The following TGFB2 variants were observed in gnomAD, a reference collection of about 807,000 sequenced individuals.
TGFB2 encodes the protein transforming growth factor beta-2 proprotein.
In TGFB2, 13 loss-of-function variants were observed where a neutral mutation model predicts 42.7. That is an observed-to-expected ratio of 0.30 (90% confidence interval 0.20 to 0.48). TGFB2 has a LOEUF of 0.48. TGFB2 is among the 20% of genes least tolerant of loss of function. The probability of loss-of-function intolerance (pLI) is 0.99; values close to 1 mark genes in which losing one functional copy is unlikely to be tolerated. For synonymous variants in TGFB2, 193 were observed against 193.6 expected (o/e 1.00, Z 0.03); for missense variants, 390 against 517.5 (o/e 0.75, Z 2.39).
chr1:218,439,282 C>T (rs1212593806), intron 6 of TGFB2, among the ~76,000 whole-genome samples: 2 of 152,012 alleles, frequency 1.3e-5, no homozygotes, highest in South Asian at 2.1e-4. Context: ...TATGGTTACA[C>T]GTTAGGGTTT....
At chr1:218,427,782 C>T (rs1174220227) in intron 2 of TGFB2, among the ~76,000 whole-genome samples, 5 of 152,022 alleles carry the variant, frequency 3.3e-5, no homozygotes, top group East Asian at 1.9e-4. Flanking sequence ...TGAATAGTGC[C>T]GCAATAAACA....
chr1:218,348,080 A>AAAAGAAAG (rs10671658), intron 1 of TGFB2, among the ~76,000 whole-genome samples: 1 of 151,938 alleles, frequency 6.6e-6, no homozygotes, highest in African/African-American at 2.4e-5. Flanking sequence ...AAAAAGAAAA[A>AAAAGAAAG]AAAGAAAGAA....
Position 218,385,113 on chromosome 1 carries a change from CCT to C in TGFB2, c.347-20051_347-20050del, listed in dbSNP as rs145664710. On this transcript the variant is annotated intron_variant, in intron 1 of 6. Transcript: ENST00000366930. The stretch of plus-strand genomic sequence containing the variant: ...TCTGGGTTTGATTCTATTTTTTCCC[CCT>C]CTCTTACTGGTACTTTCTGGTTGGT... Among the ~76,000 whole-genome samples the C allele has an allele frequency of 7.9e-3, 1,196 of 152,190 alleles. 11 individuals are homozygous for C. The highest frequency in any genetic ancestry group is 0.027 in the African/African-American group (1,109 of 41,524).
chr1:218,369,256 GAAAAAAAAAAAAAAAAAAAAAAAA>G lies in TGFB2; in HGVS notation c.346+22223_346+22246del, dbSNP rs34825461. ...GGCAACAAAGCAAGATTCCGTCTCA[GAAAAAAAAAAAAAAAAAAAAAAAA>G]AAAAAAAAAAAAATGGTATGTTGAA... On this transcript the variant is annotated intron_variant, in intron 1 of 6. Transcript: ENST00000366930. Among the ~76,000 whole-genome samples, 7 of 35,656 alleles carry G rather than the reference GAAAAAAAAAAAAAAAAAAAAAAAA, an allele frequency of 2.0e-4. No individual in the cohort carries two copies. In the South Asian group the frequency reaches 9.2e-3, roughly 47 times the overall value. 23.4% of individuals were successfully genotyped at this position (35,656 alleles called of 152,430 possible).
In TGFB2 at chr1:218,396,457, G is replaced by A. The variant is rs546862991; in HGVS notation, c.347-8712G>A. Among the ~76,000 whole-genome samples, 13 of 152,062 alleles carry A rather than the reference G, an allele frequency of 8.5e-5. No homozygotes were observed. In the East Asian group the frequency reaches 1.4e-3, roughly 16 times the overall value. On this transcript the variant is annotated intron_variant, in intron 1 of 6. Transcript: ENST00000366930. ...CACTGCATCTTTTGGGACAGACTGCGCCTTGTGAGTACACAGGTTCTTCCA... is the reference window on the plus strand; with the variant it reads ...CACTGCATCTTTTGGGACAGACTGCACCTTGTGAGTACACAGGTTCTTCCA...
chr1:218,363,799 C>T (rs1657295634), intron 1 of TGFB2, among the ~76,000 whole-genome samples: 1 of 152,096 alleles, frequency 6.6e-6, no homozygotes, highest in Admixed American at 6.5e-5. Context: ...TTATTTGTAT[C>T]TATGTTCTTG....
chr1:218,368,118 A>G (rs928377032), intron 1 of TGFB2, among the ~76,000 whole-genome samples: 3 of 145,184 alleles, frequency 2.1e-5, no homozygotes, highest in African/African-American at 7.7e-5. Flanking sequence ...GGACATTCTT[A>G]TGATATATTA....
chr1:218,378,688 C>T (rs1232827417), intron 1 of TGFB2, among the ~76,000 whole-genome samples: 2 of 151,850 alleles, frequency 1.3e-5, no homozygotes, highest in Non-Finnish European at 2.9e-5. Context: ...CTCACTGCAG[C>T]CTGGAACTCC....
intron 1 of TGFB2, among the ~76,000 whole-genome samples, chr1:218,372,181 G>T (rs1046348573): frequency 6.6e-6 from 1 of 152,204 alleles, no homozygotes; most frequent in Non-Finnish European, 1.5e-5. Flanking sequence ...TGAAAGCATT[G>T]TTTTGCACAT....
At chr1:218,362,901 G>A (rs1239719271) in intron 1 of TGFB2, among the ~76,000 whole-genome samples, 1 of 152,124 alleles carries the variant, frequency 6.6e-6, no homozygotes, top group Non-Finnish European at 1.5e-5. Flanking sequence ...GATGACAGGT[G>A]GTTTTAAGAA....
At position 218,357,634 on chromosome 1, in the gene TGFB2, T is replaced by C. The variant is rs1657082013; in HGVS notation, c.346+10587T>C. ...TAGATGTTCCCTCAACCACAATGAC[T>C]TGAGGAACTTAAGGCAAATGGAAAA... is the stretch of plus-strand genomic sequence containing the variant. On this transcript the variant is annotated intron_variant, in intron 1 of 6. Coordinates refer to ENST00000366930, the MANE Select transcript of TGFB2 (RefSeq NM_003238.6). 4.6e-5 allele frequency among the ~76,000 whole-genome samples: 7 copies of C among 152,312 alleles called. 1 individual carries two copies. In the South Asian group the frequency reaches 1.4e-3, roughly 32 times the overall value.
In TGFB2 at chr1:218,412,232, C is replaced by A. The variant is rs533768998; in HGVS notation, c.510+6900C>A. 9.8e-4 allele frequency among the ~76,000 whole-genome samples: 149 copies of A among 152,286 alleles called. 1 individual carries two copies. The highest frequency in any genetic ancestry group is 3.4e-3 in the African/African-American group (143 of 41,552). On this transcript the variant is annotated intron_variant, in intron 2 of 6. Coordinates refer to ENST00000366930, the MANE Select transcript of TGFB2 (RefSeq NM_003238.6). ...ACATATACCCAAGATACTCTTAGAG[C>A]AAAAGCTGGAGAATTCAGAGAAATG...
intron 6 of TGFB2, among the ~76,000 whole-genome samples, chr1:218,440,788 T>A (rs1660126432): frequency 6.6e-6 from 1 of 152,224 alleles, no homozygotes; most frequent in South Asian, 2.1e-4. Context: ...GATTGAAATG[T>A]ATACTCAAGA....
chr1:218,393,053 T>C (rs1300879269), intron 1 of TGFB2, among the ~76,000 whole-genome samples: 1 of 152,230 alleles, frequency 6.6e-6, no homozygotes, highest in African/African-American at 2.4e-5. Flanking sequence ...GCATTGGCCA[T>C]TACATGCATC....
intron 1 of TGFB2, among the ~76,000 whole-genome samples, chr1:218,374,699 T>C (rs1657684804): frequency 6.6e-6 from 1 of 152,206 alleles, no homozygotes; most frequent in South Asian, 2.1e-4. Flanking sequence ...CCAGGGCACA[T>C]AAGGAACAGG....
At chr1:218,405,383 G>C (rs749223590) in intron 2 of TGFB2, 51 bp downstream of exon 2, 2 of 1,583,360 alleles carry the variant, frequency 1.3e-6, no homozygotes, top group Non-Finnish European at 1.7e-6. Flanking sequence ...GTTTTAGACA[G>C]ACTCTCTCTC....
intron 1 of TGFB2, among the ~76,000 whole-genome samples, chr1:218,348,129 G>C (rs1656754397): frequency 6.6e-6 from 1 of 151,904 alleles, no homozygotes. Flanking sequence ...TGATACCTGA[G>C]AGGGTTAAAT....
At chr1:218,423,659 C>T (rs1367323160) in intron 2 of TGFB2, among the ~76,000 whole-genome samples, 13 of 152,128 alleles carry the variant, frequency 8.5e-5, no homozygotes, top group East Asian at 5.8e-4. Flanking sequence ...ATGAAAGGCG[C>T]GTGTGAGATG....
intron 2 of TGFB2, among the ~76,000 whole-genome samples, chr1:218,418,183 A>C (rs558645178): frequency 6.6e-6 from 1 of 152,354 alleles, no homozygotes; most frequent in Non-Finnish European, 1.5e-5. Flanking sequence ...CCATAAAAGC[A>C]GCCAAGAGGG....
Sources: gnomAD v4.1 joint callset for allele counts (sites outside exome capture counted in the v4.1 genomes callset) on GRCh38, gnomAD v4.1.1 for gene constraint, MANE v1.5 for transcripts, NCBI Gene and HGNC (gene_info 2026-07-23, HGNC 2026-07-21) for gene names.